CCN4: variants seen among roughly 807,000 people sequenced by gnomAD.
CCN4 encodes CCN family member 4.
A neutral mutation model predicts 36.7 loss-of-function variants in CCN4; 30 were observed. That is an observed-to-expected ratio of 0.82 (90% CI 0.61 to 1.11). The LOEUF (loss-of-function observed/expected upper bound fraction) is 1.11. CCN4 is among the 50% of genes least tolerant of loss of function. The pLI is 0.00. For synonymous variants in CCN4, 191 were observed against 195.4 expected (o/e 0.98, Z 0.19); for missense variants, 505 against 504.9 (o/e 1.00, Z 0.00).
At chr8:133,205,304 C>T (rs1853730207) in intron 1 of CCN4, among the ~76,000 whole-genome samples, 1 of 152,236 alleles carries the variant, frequency 6.6e-6, no homozygotes, top group Non-Finnish European at 1.5e-5. Flanking sequence ...TTTATGTGAA[C>T]ATCTGCAATT....
chr8:133,193,537 C>T (rs1052718292), intron 1 of CCN4, among the ~76,000 whole-genome samples: 4 of 152,258 alleles, frequency 2.6e-5, no homozygotes, highest in South Asian at 2.1e-4. Flanking sequence ...TGAGCATGTC[C>T]GCCATGTGCT....
chr8:133,196,885 A>G (rs968844791), intron 1 of CCN4, among the ~76,000 whole-genome samples: 1 of 152,154 alleles, frequency 6.6e-6, no homozygotes, highest in African/African-American at 2.4e-5. Flanking sequence ...GGGTTTATAA[A>G]GACCTCAGGC....
intron 1 of CCN4, among the ~76,000 whole-genome samples, chr8:133,212,349 A>G (rs1854078948): frequency 6.6e-6 from 1 of 151,950 alleles, no homozygotes; most frequent in South Asian, 2.1e-4. Context: ...AAAAATAATA[A>G]TAGGTCAGCG....
Position 133,212,926 on chromosome 8 carries a change from A to T in CCN4, c.132A>T (p.Ser44=), listed in dbSNP as rs751902795. 28 of 1,609,560 alleles carry T rather than the reference A, an allele frequency of 1.7e-5. No individual in the cohort carries two copies. The Admixed American group carries it at 4.5e-4, about 26-fold the overall frequency. Residue 44 remains serine, a synonymous_variant, in exon 2 of 5, where the codon TCA becomes TCT. Coordinates refer to ENST00000250160, the MANE Select transcript of CCN4 (RefSeq NM_003882.4). ...CAGCTCCACTGGAGGACACCTCCTCACGCCCCCAATTCTGCAAGTGGCCAT... is the reference window on the plus strand; with the variant it reads ...CAGCTCCACTGGAGGACACCTCCTCTCGCCCCCAATTCTGCAAGTGGCCAT... The part of the protein sequence containing the change: ...FTPAPLEDTS[S]RPQFCKWPCE...
chr8:133,223,134 C>A (rs1229952640), intron 3 of CCN4, among the ~76,000 whole-genome samples: 1 of 152,056 alleles, frequency 6.6e-6, no homozygotes, highest in East Asian at 1.9e-4. Context: ...TGGAGGAAAG[C>A]TTTGTCCCCA....
rs762849426 is a variant in CCN4, at chr8:133,191,140, C to T, written c.-5C>T. On this transcript the variant is annotated 5_prime_UTR_variant, in exon 1 of 5. Coordinates refer to ENST00000250160, the MANE Select transcript of CCN4 (RefSeq NM_003882.4). ...GGTCGATGCCTGTGCCACTGACGTC[C>T]AGGCATGAGGTGGTTCCTGCCCTGG... 1.2e-6 allele frequency: 2 copies of T among 1,606,404 alleles called. No homozygotes were observed. Among genetic ancestry groups the T allele is most frequent in the South Asian group, 2.2e-5 (2 of 90,944 alleles).
At chr8:133,227,324 A>T in intron 4 of CCN4, 87 bp from the exon 5 acceptor site, 1 of 1,411,816 alleles carries the variant, frequency 7.1e-7, no homozygotes, top group Non-Finnish European at 9.6e-7. Flanking sequence ...CCACATAGTG[A>T]GAAGGGAAAA....
chr8:133,223,641 T>TCACA (rs3842199), intron 3 of CCN4, among the ~76,000 whole-genome samples: 15 of 151,550 alleles, frequency 9.9e-5, no homozygotes, highest in South Asian at 2.1e-4. Context: ...TTTCTCTCTC[T>TCACA]CACACACACA....
chr8:133,214,665 C>T (rs1047996121), intron 2 of CCN4, among the ~76,000 whole-genome samples: 10 of 152,118 alleles, frequency 6.6e-5, no homozygotes, highest in African/African-American at 2.4e-4. Flanking sequence ...ATTGTGTAAG[C>T]ATTACCCAAA....
chr8:133,213,391 C>T (rs1854140002), intron 2 of CCN4, among the ~76,000 whole-genome samples: 1 of 152,158 alleles, frequency 6.6e-6, no homozygotes, highest in South Asian at 2.1e-4. Context: ...ACATTCATGG[C>T]TGTCCCCAGG....
In CCN4 at chr8:133,230,207, T is replaced by A. The variant is rs1854905457; in HGVS notation, c.*2497T>A. The A allele has an allele frequency of 6.6e-6, 1 of 152,264 alleles. No individual in the cohort carries two copies. Among genetic ancestry groups the A allele is most frequent in the Non-Finnish European group, 1.5e-5 (1 of 68,050 alleles). The allele number at this position is 152,264 out of a possible 1,614,324, so 9.4% of individuals were successfully genotyped here. A position where few individuals can be genotyped will look rare whatever the true frequency, so the allele number is the denominator to read the frequency against. ...TCTTATGCAGAGCCCGGAGGGCAAG[T>A]CTCAGACCCATGGGTTGAAGCCATG... is the stretch of plus-strand genomic sequence containing the variant. On this transcript the variant is annotated 3_prime_UTR_variant, in exon 5 of 5. Coordinates refer to ENST00000250160, the MANE Select transcript of CCN4 (RefSeq NM_003882.4).
intron 1 of CCN4, among the ~76,000 whole-genome samples, chr8:133,207,489 C>T (rs1039804933): frequency 6.6e-6 from 1 of 152,218 alleles, no homozygotes; most frequent in South Asian, 2.1e-4. Context: ...GCACGGTGTT[C>T]CCTGTGCAGT....
At chr8:133,223,199 C>T (rs1323012700) in intron 3 of CCN4, among the ~76,000 whole-genome samples, 1 of 152,136 alleles carries the variant, frequency 6.6e-6, no homozygotes, top group African/African-American at 2.4e-5. Context: ...AGGAGGGCCA[C>T]ACGAGGGTCA....
rs1003550139 is a variant in CCN4, at chr8:133,225,497, A to C, written c.718A>C (p.Asn240His). 1.9e-6 allele frequency: 3 copies of C among 1,613,952 alleles called. No individual in the cohort carries two copies. In the African/African-American group the frequency reaches 4.0e-5, roughly 22 times the overall value. Residue 240 changes from asparagine (N) to histidine (H), a missense_variant, in exon 4 of 5, where the codon AAT (asparagine) becomes CAT (histidine). Transcript: ENST00000250160. ...CCTGGGGGTCTCCACTCGGATCTCC[A>C]ATGTTAACGCCCAGTGCTGGCCTGA... ...CGLGVSTRIS[N>H]VNAQCWPEQE...
intron 2 of CCN4, among the ~76,000 whole-genome samples, chr8:133,214,956 A>T (rs891582155): frequency 9.9e-5 from 15 of 152,218 alleles, no homozygotes; most frequent in Non-Finnish European, 2.1e-4. Flanking sequence ...TCTGAACCAC[A>T]TGGTTAATTT....
chr8:133,191,412 G>T (rs535144555), intron 1 of CCN4, among the ~76,000 whole-genome samples, 199 bp downstream of exon 1: 1 of 152,128 alleles, frequency 6.6e-6, no homozygotes, highest in Non-Finnish European at 1.5e-5. Flanking sequence ...TGAGGAGGAC[G>T]GTGCGACACT....
intron 1 of CCN4, among the ~76,000 whole-genome samples, chr8:133,205,262 T>C (rs1349745376): frequency 6.6e-6 from 1 of 152,208 alleles, no homozygotes; most frequent in Non-Finnish European, 1.5e-5. Flanking sequence ...ATCTGCAGAG[T>C]CTATTTCCAG....
In CCN4 at chr8:133,230,477, A is replaced by AC. The variant is rs1315801909; in HGVS notation, c.*2767_*2768insC. 1 of 152,192 alleles carries AC rather than the reference A, an allele frequency of 6.6e-6. No homozygotes were observed. The highest frequency in any genetic ancestry group is 1.9e-4 in the East Asian group (1 of 5,190). The allele number at this position is 152,192 out of a possible 1,614,324, so 9.4% of individuals were successfully genotyped here. On this transcript the variant is annotated 3_prime_UTR_variant, in exon 5 of 5. Transcript: ENST00000250160. The stretch of plus-strand genomic sequence containing the variant: ...AGTGGAAAAGAGAAGTGCCCCCAAA[A>AC]AGTTAGAGCTCAAACAGCAGCTTAT...
chr8:133,191,073 G>T lies in CCN4; in HGVS notation c.-72G>T. ...GCTCCTGATGGGCCGGCCAGTCTGGGCCCAGCTCCCCCGAGAGGTGGTCGG... is the reference window on the plus strand; with the variant it reads ...GCTCCTGATGGGCCGGCCAGTCTGGTCCCAGCTCCCCCGAGAGGTGGTCGG... On this transcript the variant is annotated 5_prime_UTR_variant, in exon 1 of 5. Transcript: ENST00000250160. The T allele has an allele frequency of 6.4e-7, 1 of 1,560,204 alleles. No individual in the cohort carries two copies. Among genetic ancestry groups the T allele is most frequent in the East Asian group, 2.3e-5 (1 of 43,980 alleles).
Sources: gnomAD v4.1 joint callset for allele counts (sites outside exome capture counted in the v4.1 genomes callset) on GRCh38, gnomAD v4.1.1 for gene constraint, MANE v1.5 for transcripts, NCBI Gene and HGNC (gene_info 2026-07-23, HGNC 2026-07-21) for gene names.